The following INTS9 variants were observed in gnomAD, a reference collection of about 807,000 sequenced individuals.
The protein encoded by INTS9 is integrator complex subunit 9.
In INTS9, 55 loss-of-function variants were observed where a neutral mutation model predicts 79.7. That is an observed-to-expected ratio of 0.69 (90% CI 0.56 to 0.86). The LOEUF (loss-of-function observed/expected upper bound fraction) is 0.86. Among genes scored for constraint, INTS9 ranks in the 40% least tolerant of loss-of-function variants. The probability of loss-of-function intolerance (pLI) is 0.00; values close to 1 mark genes in which losing one functional copy is unlikely to be tolerated. For synonymous variants in INTS9, 319 were observed against 325.2 expected (o/e 0.98, Z 0.20); for missense variants, 721 against 831.5 (o/e 0.87, Z 1.64).
At position 28,812,468 on chromosome 8, in the gene INTS9, G is replaced by A. The variant is rs1388971858; in HGVS notation, c.610-7C>T. ...GGACCGCACCAAAAAGCTCCTAAAA[G>A]AGAACCACAGTAAGAATGTGCAATG... On this transcript the variant is annotated splice_region_variant and splice_polypyrimidine_tract_variant and intron_variant, in intron 7 of 16. Coordinates refer to ENST00000521022, the MANE Select transcript of INTS9 (RefSeq NM_018250.4). The A allele has an allele frequency of 4.3e-6, 7 of 1,612,754 alleles. No homozygotes were observed. The highest frequency in any genetic ancestry group is 5.9e-6 in the Non-Finnish European group (7 of 1,179,646).
intron 14 of INTS9, 84 bp from the exon 15 acceptor site, chr8:28,771,164 G>T: frequency 1.0e-6 from 1 of 993,912 alleles, no homozygotes; most frequent in Non-Finnish European, 1.6e-6. Flanking sequence ...CATCACTGCA[G>T]TCTAAAAAGA....
intron 3 of INTS9, 75 bp downstream of exon 3, chr8:28,850,138 C>A: frequency 8.7e-7 from 1 of 1,151,142 alleles, no homozygotes; most frequent in Non-Finnish European, 1.3e-6. Context: ...CACACTACTA[C>A]AGGGTGGCTC....
At chr8:28,813,454 G>A (rs977262307) in intron 7 of INTS9, 38 bp downstream of exon 7, 3 of 1,580,622 alleles carry the variant, frequency 1.9e-6, no homozygotes, top group Admixed American at 1.7e-5. Context: ...TGAATGGAAA[G>A]CATTCATGAA....
intron 8 of INTS9, among the ~76,000 whole-genome samples, chr8:28,809,107 A>G (rs1386745734): frequency 6.6e-6 from 1 of 151,848 alleles, no homozygotes; most frequent in Non-Finnish European, 1.5e-5. Context: ...ATGCCACCGC[A>G]CCTGGCTTTT....
intron 8 of INTS9, among the ~76,000 whole-genome samples, chr8:28,797,918 T>TG (rs1157637777): frequency 6.6e-6 from 1 of 152,284 alleles, no homozygotes; most frequent in Non-Finnish European, 1.5e-5. Flanking sequence ...CGAGTAGCTG[T>TG]GCCTTCAGTA....
chr8:28,842,081 C>G (rs1271913974), intron 4 of INTS9, among the ~76,000 whole-genome samples: 1 of 151,548 alleles, frequency 6.6e-6, no homozygotes, highest in East Asian at 1.9e-4. Context: ...AAGTGAGACC[C>G]CATCTCAAAA....
intron 1 of INTS9, among the ~76,000 whole-genome samples, chr8:28,869,543 A>T (rs1431370985): frequency 6.6e-6 from 1 of 152,332 alleles, no homozygotes; most frequent in Admixed American, 6.5e-5. Flanking sequence ...CCATTCTGAG[A>T]TGCTGGCTTC....
rs145278761 is a variant in INTS9, at chr8:28,825,304, G to C, written c.488+9988C>G. ...GAGAGCAGGGACCGTGATGGATAAT[G>C]ATGAATAACACTTGCAACCCCAAGC... On this transcript the variant is annotated intron_variant, in intron 6 of 16. Transcript: ENST00000521022. 1.1e-4 allele frequency among the ~76,000 whole-genome samples: 17 copies of C among 152,320 alleles called. No individual in the cohort carries two copies. The East Asian group carries it at 3.3e-3, about 29-fold the overall frequency.
In INTS9 at chr8:28,835,357, C is replaced by G. The variant is rs1415460823; in HGVS notation, c.423G>C (p.Val141=). The change falls in exon 6 of 17, where the codon GTG becomes GTC. Residue 141 remains valine (V), a synonymous_variant. Coordinates refer to ENST00000521022, the MANE Select transcript of INTS9 (RefSeq NM_018250.4). ...QIGRLLMEEL[V]NFIERVPKAQ... is the part of the protein sequence containing the mutation. ...CCTTTGGCACTCTTTCAATGAAATT[C>G]ACCAGCTCTTCCATGAGAAGCCTGA... The G allele has an allele frequency of 6.2e-7, 1 of 1,613,688 alleles. No individual in the cohort carries two copies. Among genetic ancestry groups the G allele is most frequent in the Admixed American group, 1.7e-5 (1 of 60,008 alleles).
intron 10 of INTS9, among the ~76,000 whole-genome samples, chr8:28,788,791 T>C (rs1469858190): frequency 6.6e-6 from 1 of 152,242 alleles, no homozygotes; most frequent in Non-Finnish European, 1.5e-5. Flanking sequence ...CTAGAGACAA[T>C]GTGAATGTTT....
Position 28,859,481 on chromosome 8 carries a change from T to C in INTS9, c.92A>G (p.Asp31Gly). Reference protein sequence around the residue: ...STTIMLDCGLDMTSTLNFLPL... With the variant: ...STTIMLDCGLGMTSTLNFLPL... The stretch of plus-strand genomic sequence containing the variant: ...AAGGAAATTGAGGGTAGAAGTCATG[T>C]CCAGTCCGCAGTCCAACATAATGGT... The change falls in exon 2 of 17, where the codon GAC becomes GGC. Residue 31 changes from aspartate (D) to glycine (G), a missense_variant. Transcript: ENST00000521022. The C allele has an allele frequency of 6.2e-7, 1 of 1,614,174 alleles. No individual in the cohort carries two copies. Among genetic ancestry groups the C allele is most frequent in the Non-Finnish European group, 8.5e-7 (1 of 1,179,994 alleles).
Position 28,780,809 on chromosome 8 carries a change from T to A in INTS9, c.1270+14A>T. On this transcript the variant is annotated intron_variant, in intron 12 of 16. Coordinates refer to ENST00000521022, the MANE Select transcript of INTS9 (RefSeq NM_018250.4). Reference sequence around the variant, plus strand: ...TGGAGAGAACCAATTTGTTTCTTTATTTTTTTCACTTACCCGTGAATATGA... The same window carrying A: ...TGGAGAGAACCAATTTGTTTCTTTAATTTTTTCACTTACCCGTGAATATGA... The A allele has an allele frequency of 6.2e-7, 1 of 1,612,158 alleles. No individual in the cohort carries two copies. The highest frequency in any genetic ancestry group is 8.5e-7 in the Non-Finnish European group (1 of 1,178,402).
chr8:28,771,513 A>G (rs1161559915), intron 14 of INTS9, among the ~76,000 whole-genome samples: 1 of 152,224 alleles, frequency 6.6e-6, no homozygotes, highest in Non-Finnish European at 1.5e-5. Flanking sequence ...TTTTTAAGAC[A>G]TGTAGACCCC....
chr8:28,772,054 G>A lies in INTS9; in HGVS notation c.1564-974C>T, dbSNP rs902606269. Among the ~76,000 whole-genome samples, 5 of 152,096 alleles carry A rather than the reference G, an allele frequency of 3.3e-5. No homozygotes were observed. In the East Asian group the frequency reaches 9.7e-4, roughly 29 times the overall value. On this transcript the variant is annotated intron_variant, in intron 14 of 16. Coordinates refer to ENST00000521022, the MANE Select transcript of INTS9 (RefSeq NM_018250.4). ...TTATTATTTTTTTGTAGATACGGGGGTCTTGCTGTGTTGCCCAGGCTGGTC... is the reference window on the plus strand; with the variant it reads ...TTATTATTTTTTTGTAGATACGGGGATCTTGCTGTGTTGCCCAGGCTGGTC...
intron 1 of INTS9, among the ~76,000 whole-genome samples, chr8:28,886,930 G>C (rs934839073): frequency 3.9e-5 from 6 of 152,122 alleles, no homozygotes; most frequent in South Asian, 2.1e-4. Context: ...AATGGTTACT[G>C]CTTATTGTAA....
intron 2 of INTS9, among the ~76,000 whole-genome samples, chr8:28,851,324 A>G (rs1482546600): frequency 1.3e-5 from 2 of 152,096 alleles, no homozygotes; most frequent in Admixed American, 1.3e-4. Flanking sequence ...AAATATGTGA[A>G]TATCTGTCAA....
chr8:28,816,781 G>T (rs1397486543), intron 6 of INTS9, among the ~76,000 whole-genome samples: 10 of 149,064 alleles, frequency 6.7e-5, no homozygotes, highest in Non-Finnish European at 1.0e-4. Context: ...CAGTGTAAAA[G>T]TGTTCCTATT....
At chr8:28,772,845 T>TCTA (rs1412992324) in intron 14 of INTS9, among the ~76,000 whole-genome samples, 2 of 152,120 alleles carry the variant, frequency 1.3e-5, no homozygotes, top group African/African-American at 4.8e-5. Flanking sequence ...TAAAATTAGA[T>TCTA]AACAGTGTAT....
At chr8:28,859,388 T>C (rs1808332765) in intron 2 of INTS9, 48 bp downstream of exon 2, 1 of 1,602,420 alleles carries the variant, frequency 6.2e-7, no homozygotes, top group African/African-American at 1.3e-5. Context: ...GGTACCATTT[T>C]TCAGCAAACT....
Sources: allele counts gnomAD v4.1 joint callset (sites outside exome capture counted in the v4.1 genomes callset), GRCh38; gene constraint gnomAD v4.1.1; transcripts MANE v1.5; gene names NCBI Gene and HGNC (gene_info 2026-07-23, HGNC 2026-07-21).